TENM2: variants seen among roughly 807,000 people sequenced by gnomAD.
TENM2 encodes teneurin-2.
TENM2 carries 52 observed loss-of-function variants against 245.2 expected under a neutral mutation model. The observed-to-expected ratio is 0.21, with a 90% CI of 0.17 to 0.27. The LOEUF (loss-of-function observed/expected upper bound fraction) is 0.27, where lower values mean the gene tolerates loss of function less well. Among genes scored for constraint, TENM2 ranks in the 10% least tolerant of loss-of-function variants. The pLI, the probability that TENM2 is intolerant of heterozygous loss-of-function variation, is 1.00. For synonymous variants in TENM2, 1,363 were observed against 1,438.9 expected (o/e 0.95, Z 1.19); for missense variants, 3,046 against 3,666.8 (o/e 0.83, Z 4.37).
chr5:168,096,746 C>A (rs1793400893), intron 8 of TENM2, among the ~76,000 whole-genome samples: 1 of 152,216 alleles, frequency 6.6e-6, no homozygotes, highest in Non-Finnish European at 1.5e-5. Flanking sequence ...AAGTCCCCAA[C>A]TCTCCAAGGG....
At chr5:168,186,892 G>A (rs1280126822) in intron 13 of TENM2, 4 of 152,182 alleles carry the variant, frequency 2.6e-5, no homozygotes, top group Admixed American at 2.6e-4. Context: ...CTCCATCCAA[G>A]GGGCTTGCTG....
At chr5:167,609,761 A>T (rs893065652) in intron 2 of TENM2, among the ~76,000 whole-genome samples, 3 of 152,112 alleles carry the variant, frequency 2.0e-5, no homozygotes, top group Non-Finnish European at 4.4e-5. Flanking sequence ...TAGGAAAAAA[A>T]CAAACTGTTT....
the TENM2 span, among the ~76,000 whole-genome samples, chr5:167,172,789 T>C: frequency 3.3e-5 from 5 of 150,538 alleles, no homozygotes; most frequent in Non-Finnish European, 7.4e-5. Flanking sequence ...TATTTATTTA[T>C]TTATTTTACA....
intron 1 of TENM2, among the ~76,000 whole-genome samples, chr5:167,353,418 CATCTG>C (rs1358572164): frequency 1.3e-5 from 2 of 150,148 alleles, no homozygotes; most frequent in African/African-American, 2.4e-5. Flanking sequence ...ATACATTTCT[CATCTG>C]ATCTAAGGCT....
At chr5:167,152,389 C>T in the TENM2 span, among the ~76,000 whole-genome samples, 4 of 152,022 alleles carry the variant, frequency 2.6e-5, no homozygotes, top group Admixed American at 6.6e-5. Flanking sequence ...TTAACAGTAA[C>T]GTGAAAGCTA....
At position 167,798,576 on chromosome 5, in the gene TENM2, G is replaced by A. The variant is rs956267044; in HGVS notation, c.503-77410G>A. Reference sequence around the variant, plus strand: ...CCTTCTGTGGGTGGCATTGACTGACGTAGGGCTGAAGCACTCAAAGGAGTA... The same window carrying A: ...CCTTCTGTGGGTGGCATTGACTGACATAGGGCTGAAGCACTCAAAGGAGTA... On this transcript the variant is annotated intron_variant, in intron 2 of 28. Transcript: ENST00000518659. 7.9e-5 allele frequency among the ~76,000 whole-genome samples: 12 copies of A among 152,196 alleles called. 1 individual carries two copies. Among genetic ancestry groups the A allele is most frequent in the Non-Finnish European group, 1.6e-4 (11 of 68,040 alleles).
At chr5:167,167,026 A>G in the TENM2 span, among the ~76,000 whole-genome samples, 1 of 152,130 alleles carries the variant, frequency 6.6e-6, no homozygotes, top group Non-Finnish European at 1.5e-5. Context: ...TCGATTCTTC[A>G]CTTTCAAGCT....
the TENM2 span, among the ~76,000 whole-genome samples, chr5:167,206,463 T>C: frequency 6.6e-6 from 1 of 152,168 alleles, no homozygotes; most frequent in African/African-American, 2.4e-5. Flanking sequence ...CTAGAAAGAA[T>C]TGGGTATGTT....
chr5:167,239,042 G>C, the TENM2 span, among the ~76,000 whole-genome samples: 1 of 152,168 alleles, frequency 6.6e-6, no homozygotes, highest in Non-Finnish European at 1.5e-5. Flanking sequence ...GGGTCTATAG[G>C]TCTTTGTATC....
At chr5:167,478,367 C>T (rs1489815438) in intron 2 of TENM2, among the ~76,000 whole-genome samples, 1 of 152,114 alleles carries the variant, frequency 6.6e-6, no homozygotes, top group Admixed American at 6.6e-5. Flanking sequence ...GAAAACTCTG[C>T]CAGGAAACTG....
chr5:167,561,432 T>C (rs919253490), intron 2 of TENM2, among the ~76,000 whole-genome samples: 1 of 152,156 alleles, frequency 6.6e-6, no homozygotes, highest in Non-Finnish European at 1.5e-5. Context: ...AGGCCATAAT[T>C]GTTAGAGGAA....
intron 2 of TENM2, among the ~76,000 whole-genome samples, chr5:167,647,767 C>T (rs1780065056): frequency 6.6e-6 from 1 of 152,122 alleles, no homozygotes. Context: ...CATGATCTGA[C>T]CCCCATCTGT....
At chr5:168,182,393 C>T (rs1759988453) in intron 13 of TENM2, among the ~76,000 whole-genome samples, 1 of 152,184 alleles carries the variant, frequency 6.6e-6, no homozygotes, top group East Asian at 1.9e-4. Context: ...GCTATACATT[C>T]ATCATCTCAT....
chr5:167,428,302 C>T (rs1361120999), intron 2 of TENM2, among the ~76,000 whole-genome samples: 1 of 152,144 alleles, frequency 6.6e-6, no homozygotes, highest in Admixed American at 6.5e-5. Flanking sequence ...GCCTCAGTAA[C>T]CCTATCCTTT....
chr5:168,030,176 TTTTTTTTTTTTC>T (rs1293184575), intron 5 of TENM2, among the ~76,000 whole-genome samples: 2 of 123,836 alleles, frequency 1.6e-5, no homozygotes, highest in East Asian at 2.3e-4. Flanking sequence ...TTTTTTTTTT[TTTTTTTTTTTTC>T]ATCTTTCCAC....
chr5:167,101,849 T>TTATATATATATATTTTTATA, the TENM2 span, among the ~76,000 whole-genome samples: 13 of 69,438 alleles, frequency 1.9e-4, no homozygotes, highest in African/African-American at 7.2e-4. Flanking sequence ...ATATATATAT[T>TTATATATATATATTTTTATA]TATATATATA....
intron 1 of TENM2, among the ~76,000 whole-genome samples, chr5:167,300,178 G>A (rs1444749094): frequency 2.6e-5 from 4 of 152,118 alleles, no homozygotes; most frequent in Non-Finnish European, 5.9e-5. Context: ...GAGATTAGTC[G>A]GACATGATCA....
At chr5:168,045,830 C>T (rs775392722) in intron 5 of TENM2, among the ~76,000 whole-genome samples, 1 of 152,162 alleles carries the variant, frequency 6.6e-6, no homozygotes, top group African/African-American at 2.4e-5. Flanking sequence ...CATTTCCTGA[C>T]CTCTGTATAG....
chr5:167,599,533 A>G (rs914561184), intron 2 of TENM2, among the ~76,000 whole-genome samples: 10 of 152,150 alleles, frequency 6.6e-5, no homozygotes, highest in Admixed American at 4.6e-4. Context: ...CTGCCAGCAA[A>G]AATAGTTTGG....
Sources: allele counts gnomAD v4.1 joint callset (sites outside exome capture counted in the v4.1 genomes callset), GRCh38; gene constraint gnomAD v4.1.1; transcripts MANE v1.5; gene names NCBI Gene and HGNC (gene_info 2026-07-23, HGNC 2026-07-21).